Variants in DOHH observed in about 807,000 individuals in gnomAD.
DOHH encodes HEAT-like (PBS lyase) repeat containing 1.
A neutral mutation model predicts 19.9 loss-of-function variants in DOHH; 16 were observed. The observed-to-expected ratio is 0.80, with a 90% confidence interval of 0.54 to 1.22. The LOEUF is 1.22. Ranked by LOEUF, DOHH falls within the 50% of genes most tolerant of loss-of-function variation. DOHH has a pLI of 0.00. For missense variants in DOHH, 460 were observed against 460.6 expected (o/e 1.00, Z 0.01); for synonymous variants, 233 against 217.0 (o/e 1.07, Z -0.65).
chr19:3,491,089 T>TTGGCTCCCCTCGCGATCCTCCCC lies in DOHH; in HGVS notation c.*402_*403insGGGGAGGATCGCGAGGGGAGCCA, dbSNP rs2082865626. On this transcript the variant is annotated 3_prime_UTR_variant, in exon 5 of 5. Transcript: ENST00000427575. The surrounding 1 kb of genome is among the most constrained non-coding windows in gnomAD (Gnocchi z 5.6). ...CCCTGGCTCCCCTCGCGATCCTCCC[T>TTGGCTCCCCTCGCGATCCTCCCC]TGGCTTCCCTCGCGATCCTCCCCTG... is the stretch of plus-strand genomic sequence containing the variant. 1 of 190,740 alleles carries TTGGCTCCCCTCGCGATCCTCCCC rather than the reference T, an allele frequency of 5.2e-6. No homozygotes were observed. The highest frequency in any genetic ancestry group is 9.4e-6 in the Non-Finnish European group (1 of 105,992). 11.8% of individuals were successfully genotyped at this position (190,740 alleles called of 1,614,324 possible).
intron 3 of DOHH, among the ~76,000 whole-genome samples, chr19:3,493,168 C>CA (rs2082883399): frequency 6.6e-6 from 1 of 152,104 alleles, no homozygotes; most frequent in African/African-American, 2.4e-5. Context: ...AAAGGAATGA[C>CA]GGGCCGGCCG....
At position 3,491,851 on chromosome 19, in the gene DOHH, G is replaced by A. The variant is rs1333444557; in HGVS notation, c.590-40C>T. 1 of 1,411,000 alleles carries A rather than the reference G, an allele frequency of 7.1e-7. No homozygotes were observed. Among genetic ancestry groups the A allele is most frequent in the Non-Finnish European group, 9.2e-7 (1 of 1,082,450 alleles). The allele number at this position is 1,411,000 out of a possible 1,614,324, so 87.4% of individuals were successfully genotyped here. On this transcript the variant is annotated intron_variant, in intron 4 of 4. Coordinates refer to ENST00000427575, the MANE Select transcript of DOHH (RefSeq NM_001145165.2). The surrounding 1 kb of genome is among the most constrained non-coding windows in gnomAD (Gnocchi z 5.6). ...GACACTCGCTGGGGCCAGGAGGGGT[G>A]GGAAGGGGAGCTCTGTCTTTTCGAA...
rs762374766 is a variant in DOHH at position 3,492,494 on chromosome 19, G to A, written c.357C>T (p.Ala119=). 530 of 1,380,190 alleles carry A rather than the reference G, an allele frequency of 3.8e-4. No individual in the cohort carries two copies. Among genetic ancestry groups the A allele is most frequent in the Non-Finnish European group, 4.8e-4 (514 of 1,073,774 alleles). The allele number at this position is 1,380,190 out of a possible 1,614,324, so 85.5% of individuals were successfully genotyped here. ...TGCGCACGGCCAGCTGGCAGGTCTC[G>A]GCCACCTGCGGGGAGGGGGTATCAG... ...QYSSDPVIEV[A]ETCQLAVRRL... is the part of the protein sequence containing the mutation. Residue 119 remains alanine, a synonymous_variant, in exon 4 of 5, where the codon GCC becomes GCT. Transcript: ENST00000427575.
chr19:3,492,089 G>A (rs1186162964), intron 4 of DOHH, among the ~76,000 whole-genome samples, 173 bp downstream of exon 4: 1 of 152,190 alleles, frequency 6.6e-6, no homozygotes, highest in East Asian at 1.9e-4. Flanking sequence ...TGGGAGCTAT[G>A]GGGACCAAGA....
chr19:3,494,134 T>TG (rs2082890847), intron 2 of DOHH, 30 bp from the exon 3 acceptor site: 1 of 1,599,484 alleles, frequency 6.3e-7, no homozygotes, highest in Non-Finnish European at 8.6e-7. Flanking sequence ...GAGCTCATGT[T>TG]GGTGGGGTGG....
rs1038933465 is a variant in DOHH, at chr19:3,496,960, G to A, written c.-72-74C>T. 51 of 1,120,654 alleles carry A rather than the reference G, an allele frequency of 4.6e-5. No individual in the cohort carries two copies. The highest frequency in any genetic ancestry group is 5.8e-5 in the Non-Finnish European group (50 of 866,780). 69.4% of individuals were successfully genotyped at this position (1,120,654 alleles called of 1,614,324 possible). On this transcript the variant is annotated intron_variant, in intron 1 of 4. Transcript: ENST00000427575. The surrounding 1 kb of genome is among the most constrained non-coding windows in gnomAD (Gnocchi z 4.8). ...CGTTGTCTGTTCCTAGGACCTGGGTGGGGCAAATTCCTACCCACTGACCAA... is the reference window on the plus strand; with the variant it reads ...CGTTGTCTGTTCCTAGGACCTGGGTAGGGCAAATTCCTACCCACTGACCAA...
chr19:3,492,170 G>C, intron 4 of DOHH, 92 bp downstream of exon 4: 4 of 1,195,294 alleles, frequency 3.3e-6, no homozygotes, highest in South Asian at 1.9e-5. Flanking sequence ...TGCCGTTCCC[G>C]GGGGCAGGCC....
chr19:3,494,855 C>T (rs536700833), intron 2 of DOHH, among the ~76,000 whole-genome samples: 2 of 152,370 alleles, frequency 1.3e-5, no homozygotes, highest in African/African-American at 4.8e-5. Context: ...TGTCAGGCAC[C>T]TCCCACGCGC....
In DOHH at chr19:3,491,442, GA is replaced by G. The variant is rs1568219846; in HGVS notation, c.*49del. The G allele has an allele frequency of 1.3e-6, 2 of 1,493,994 alleles. No homozygotes were observed. The highest frequency in any genetic ancestry group is 2.5e-5 in the South Asian group (2 of 80,866). The allele number at this position is 1,493,994 out of a possible 1,614,324, so 92.5% of individuals were successfully genotyped here. A position where few individuals can be genotyped will look rare whatever the true frequency, so the allele number is the denominator to read the frequency against. The stretch of plus-strand genomic sequence containing the variant: ...GTTTAGACGCCAAAGCTCTGCGGGG[GA>G]GGAGCGGCCCTCAAGAGTCCTCCGG... On this transcript the variant is annotated 3_prime_UTR_variant, in exon 5 of 5. Coordinates refer to ENST00000427575, the MANE Select transcript of DOHH (RefSeq NM_001145165.2). This position sits in a 1 kb window ranked among gnomAD's most constrained non-coding sequence, Gnocchi z 5.6.
At chr19:3,495,735 C>T (rs1229487470) in intron 2 of DOHH, among the ~76,000 whole-genome samples, 1 of 152,072 alleles carries the variant, frequency 6.6e-6, no homozygotes, top group Non-Finnish European at 1.5e-5. Context: ...CATGGCAAAA[C>T]CCATCTCTAC....
chr19:3,500,283 G>A (rs1003150071), intron 1 of DOHH, among the ~76,000 whole-genome samples: 11 of 152,184 alleles, frequency 7.2e-5, no homozygotes, highest in African/African-American at 2.4e-4. Context: ...TTAAAGAGGG[G>A]TCATCAGAAA....
At chr19:3,492,645 G>A in intron 3 of DOHH, 146 bp from the exon 4 acceptor site, 1 of 663,894 alleles carries the variant, frequency 1.5e-6, no homozygotes, top group Non-Finnish European at 2.3e-6. Flanking sequence ...AAGCCAGCAG[G>A]GGTGGCTGAC....
intron 3 of DOHH, 115 bp downstream of exon 3, chr19:3,493,913 T>C: frequency 1.0e-6 from 1 of 968,640 alleles, no homozygotes. Flanking sequence ...GTGGTCGCCC[T>C]GGCAACCAGA....
In DOHH at chr19:3,491,131, T is replaced by C; in HGVS notation, c.*361A>G. 3.1e-6 allele frequency: 1 copy of C among 322,422 alleles called. No homozygotes were observed. The highest frequency in any genetic ancestry group is 5.6e-6 in the Non-Finnish European group (1 of 179,270). 20.0% of individuals were successfully genotyped at this position (322,422 alleles called of 1,614,324 possible). A position where few individuals can be genotyped will look rare whatever the true frequency, so the allele number is the denominator to read the frequency against. ...CCTCCCCTGGCTTCCCTCGCGATCC[T>C]CCCCTGGCTTCCCTCGCGATCCTCC... On this transcript the variant is annotated 3_prime_UTR_variant, in exon 5 of 5. Transcript: ENST00000427575. The surrounding 1 kb of genome is among the most constrained non-coding windows in gnomAD (Gnocchi z 5.6).
chr19:3,497,413 C>T (rs1219784895), intron 1 of DOHH, among the ~76,000 whole-genome samples: 8 of 152,126 alleles, frequency 5.3e-5, no homozygotes, highest in Non-Finnish European at 1.0e-4. Context: ...TAGGGGCCCA[C>T]GTGGCAAAAA....
Position 3,492,297 on chromosome 19 carries a change from G to A in DOHH, c.554C>T (p.Ala185Val), listed in dbSNP as rs754519502. ...CGCCAGGGCGGCCTCCTCGCCTCCCGCGTTGCGCAGGGCGAACATGGCGCG... is the reference window on the plus strand; with the variant it reads ...CGCCAGGGCGGCCTCCTCGCCTCCCACGTTGCGCAGGGCGAACATGGCGCG... ...RYRAMFALRN[A>V]GGEEAALALA... Residue 185 changes from alanine (A) to valine (V), a missense_variant, in exon 4 of 5, where the codon GCG becomes GTG. By Grantham distance (64) the Ala-to-Val change is moderately conservative (BLOSUM62 0). Transcript: ENST00000427575. The A allele has an allele frequency of 4.6e-6, 7 of 1,519,416 alleles. No individual in the cohort carries two copies. The highest frequency in any genetic ancestry group is 6.1e-6 in the Non-Finnish European group (7 of 1,142,288). The allele number at this position is 1,519,416 out of a possible 1,614,324, so 94.1% of individuals were successfully genotyped here. A position where few individuals can be genotyped will look rare whatever the true frequency, so the allele number is the denominator to read the frequency against.
intron 3 of DOHH, 33 bp downstream of exon 3, chr19:3,493,995 G>T: frequency 6.2e-7 from 1 of 1,601,818 alleles, no homozygotes; most frequent in East Asian, 2.2e-5. Flanking sequence ...AGGGACCCGA[G>T]ACTGGCAGGG....
In DOHH at chr19:3,491,879, C is replaced by T. The variant is rs1372701347; in HGVS notation, c.590-68G>A. The T allele has an allele frequency of 1.5e-6, 2 of 1,363,674 alleles. No homozygotes were observed. The highest frequency in any genetic ancestry group is 1.9e-6 in the Non-Finnish European group (2 of 1,045,428). The allele number at this position is 1,363,674 out of a possible 1,614,324, so 84.5% of individuals were successfully genotyped here. A position where few individuals can be genotyped will look rare whatever the true frequency, so the allele number is the denominator to read the frequency against. ...AAGGGGAGCTCTGTCTTTTCGAAGACATGGGGTCTTGCTATCTTGCCCAGG... is the reference window on the plus strand; with the variant it reads ...AAGGGGAGCTCTGTCTTTTCGAAGATATGGGGTCTTGCTATCTTGCCCAGG... On this transcript the variant is annotated intron_variant, in intron 4 of 4. Coordinates refer to ENST00000427575, the MANE Select transcript of DOHH (RefSeq NM_001145165.2). The surrounding 1 kb of genome is among the most constrained non-coding windows in gnomAD (Gnocchi z 5.6).
chr19:3,497,909 G>A (rs2082922125), intron 1 of DOHH, among the ~76,000 whole-genome samples: 1 of 152,072 alleles, frequency 6.6e-6, no homozygotes, highest in Non-Finnish European at 1.5e-5. Context: ...AGGATTACAG[G>A]CATCAGCCAC....
Sources: gnomAD v4.1 joint callset for allele counts (sites outside exome capture counted in the v4.1 genomes callset) on GRCh38, gnomAD v4.1.1 for gene constraint, Gnocchi (gnomAD v3.1) non-coding constraint, MANE v1.5 for transcripts, NCBI Gene and HGNC (gene_info 2026-07-23, HGNC 2026-07-21) for gene names.